LRRC8E: variants seen among roughly 807,000 people sequenced by gnomAD.
The protein encoded by LRRC8E is volume-regulated anion channel subunit LRRC8E.
LRRC8E carries 6 observed loss-of-function variants against 6.1 expected under a neutral mutation model. The observed-to-expected ratio is 0.98, with a 90% CI of 0.54 to 1.93. LRRC8E has a LOEUF of 1.93. Among genes scored for constraint, LRRC8E ranks in the 30% most tolerant of loss-of-function variants. The probability of loss-of-function intolerance (pLI) is 0.01; values close to 1 mark genes in which losing one functional copy is unlikely to be tolerated. For synonymous variants in LRRC8E, 485 were observed against 472.8 expected, an observed-to-expected ratio of 1.03 and a Z score of -0.33; for missense variants, 1,028 against 1,031.4, an observed-to-expected ratio of 1.00 and a Z score of 0.04.
chr19:7,895,255 A>G lies in LRRC8E; in HGVS notation c.-5-344A>G. 4.4e-6 allele frequency: 1 copy of G among 227,344 alleles called. No individual in the cohort carries two copies. Among genetic ancestry groups the G allele is most frequent in the Admixed American group, 4.8e-5 (1 of 20,790 alleles). 14.1% of individuals were successfully genotyped at this position (227,344 alleles called of 1,614,324 possible). A position where few individuals can be genotyped will look rare whatever the true frequency, so the allele number is the denominator to read the frequency against. Reference sequence around the variant, plus strand: ...CAGGCCTTGGTGTCAGGGGTGGGAGAGGGATGCCTCGTTTTGGGGAGGGGG... The same window carrying G: ...CAGGCCTTGGTGTCAGGGGTGGGAGGGGGATGCCTCGTTTTGGGGAGGGGG... On this transcript the variant is annotated intron_variant, in intron 1 of 2. Coordinates refer to ENST00000306708, the MANE Select transcript of LRRC8E (RefSeq NM_025061.6). The surrounding 1 kb of genome is among the most constrained non-coding windows in gnomAD (Gnocchi z 4.7).
intron 1 of LRRC8E, among the ~76,000 whole-genome samples, chr19:7,889,913 C>G (rs1981217129): frequency 6.6e-6 from 1 of 152,006 alleles, no homozygotes. Context: ...CCATACCCAG[C>G]TAATCTTTGT....
At position 7,901,549 on chromosome 19, in the gene LRRC8E, G is replaced by A. The variant is rs957172684; in HGVS notation, c.*636G>A. The A allele has an allele frequency of 1.3e-5, 2 of 152,192 alleles. No homozygotes were observed. Among genetic ancestry groups the A allele is most frequent in the African/African-American group, 4.8e-5 (2 of 41,416 alleles). 9.4% of individuals were successfully genotyped at this position (152,192 alleles called of 1,614,324 possible). On this transcript the variant is annotated 3_prime_UTR_variant, in exon 3 of 3. Coordinates refer to ENST00000306708, the MANE Select transcript of LRRC8E (RefSeq NM_025061.6). ...TTCCAGGTAGTTCTGGTGCAGGTAAGTGGCCCTGAGACAGTATGTTGGGAA... is the reference window on the plus strand; with the variant it reads ...TTCCAGGTAGTTCTGGTGCAGGTAAATGGCCCTGAGACAGTATGTTGGGAA...
Position 7,899,532 on chromosome 19 carries a change from G to A in LRRC8E, c.1010G>A (p.Arg337Gln), listed in dbSNP as rs749907236. 191 of 1,613,750 alleles carry A rather than the reference G, an allele frequency of 1.2e-4. No homozygotes were observed. The highest frequency in any genetic ancestry group is 1.4e-4 in the Non-Finnish European group (165 of 1,180,044). Residue 337 changes from arginine to glutamine, a missense_variant, in exon 3 of 3, where the codon CGG becomes CAG. Physicochemically the swap from Arg to Gln is conservative, Grantham distance 43 (BLOSUM62 1). Transcript: ENST00000306708. ...TACACGCTCTACTGGCTCTTCCACCGGCCCCTCAAGGAGTACTCCTTCCGT... is the reference window on the plus strand; with the variant it reads ...TACACGCTCTACTGGCTCTTCCACCAGCCCCTCAAGGAGTACTCCTTCCGT... The part of the protein sequence containing the change: ...CIYTLYWLFH[R>Q]PLKEYSFRSV...
chr19:7,890,804 T>G (rs1270099756), intron 1 of LRRC8E, among the ~76,000 whole-genome samples: 1 of 151,794 alleles, frequency 6.6e-6, no homozygotes, highest in Non-Finnish European at 1.5e-5. Flanking sequence ...AAAAAGAGAT[T>G]CTCCTGCTTC....
Position 7,898,788 on chromosome 19 carries a change from G to A in LRRC8E, c.266G>A (p.Gly89Asp). 6.2e-7 allele frequency: 1 copy of A among 1,614,172 alleles called. No individual in the cohort carries two copies. Among genetic ancestry groups the A allele is most frequent in the Non-Finnish European group, 8.5e-7 (1 of 1,180,036 alleles). The change falls in exon 3 of 3, where the codon GGC becomes GAC. Residue 89 changes from glycine to aspartate, a missense_variant. By Grantham distance (94) the Gly-to-Asp change is moderately conservative. Coordinates refer to ENST00000306708, the MANE Select transcript of LRRC8E (RefSeq NM_025061.6). ...EQIGALQEVK[G>D]LKNNLDLQQY... The stretch of plus-strand genomic sequence containing the variant: ...ATTGGGGCCCTGCAGGAGGTTAAAG[G>A]CCTTAAGAACAATTTGGACCTGCAG...
chr19:7,896,121 G>A (rs1402974871), intron 2 of LRRC8E, among the ~76,000 whole-genome samples: 2 of 151,654 alleles, frequency 1.3e-5, no homozygotes, highest in African/African-American at 4.8e-5. Context: ...TAGTTTTTTA[G>A]TAGAGATGGG....
rs1981997297 is a variant in LRRC8E, at chr19:7,901,216, C to T, written c.*303C>T. ...GCTGGCCTTGCTCCCATCCCTAGAACTGCTGCCTCTCCCTGGATATTCCAG... is the reference window on the plus strand; with the variant it reads ...GCTGGCCTTGCTCCCATCCCTAGAATTGCTGCCTCTCCCTGGATATTCCAG... On this transcript the variant is annotated 3_prime_UTR_variant, in exon 3 of 3. Coordinates refer to ENST00000306708, the MANE Select transcript of LRRC8E (RefSeq NM_025061.6). The T allele has an allele frequency of 3.8e-6, 1 of 264,428 alleles. No individual in the cohort carries two copies. Among genetic ancestry groups the T allele is most frequent in the South Asian group, 1.2e-4 (1 of 8,482 alleles). The allele number at this position is 264,428 out of a possible 1,614,324, so 16.4% of individuals were successfully genotyped here. A position where few individuals can be genotyped will look rare whatever the true frequency, so the allele number is the denominator to read the frequency against.
intron 1 of LRRC8E, among the ~76,000 whole-genome samples, chr19:7,889,825 C>T (rs981914317): frequency 3.3e-5 from 5 of 151,050 alleles, no homozygotes; most frequent in Non-Finnish European, 5.9e-5. Context: ...TCTTGGCTCA[C>T]GGCAACCTCC....
rs781540132 is a variant in LRRC8E at position 7,899,618 on chromosome 19, A to G, written c.1096A>G (p.Met366Val). ...TGACGTCAAGAATGACTTCGCCTTCATGCTGCACCTCATCGATCAGTACGA... is the reference window on the plus strand; with the variant it reads ...TGACGTCAAGAATGACTTCGCCTTCGTGCTGCACCTCATCGATCAGTACGA... ...IPDVKNDFAF[M>V]LHLIDQYDSL... Residue 366 changes from methionine (M) to valine (V), a missense_variant, in exon 3 of 3, where the codon ATG (methionine) becomes GTG (valine). By Grantham distance (21) the Met-to-Val change is conservative. Coordinates refer to ENST00000306708, the MANE Select transcript of LRRC8E (RefSeq NM_025061.6). The G allele has an allele frequency of 1.2e-6, 2 of 1,613,656 alleles. No homozygotes were observed. Among genetic ancestry groups the G allele is most frequent in the Non-Finnish European group, 1.7e-6 (2 of 1,180,044 alleles).
In LRRC8E at chr19:7,899,812, C is replaced by G; in HGVS notation, c.1290C>G (p.Pro430=). 1 of 1,607,462 alleles carries G rather than the reference C, an allele frequency of 6.2e-7. No homozygotes were observed. The highest frequency in any genetic ancestry group is 8.5e-7 in the Non-Finnish European group (1 of 1,179,948). Residue 430 remains proline, a synonymous_variant, in exon 3 of 3, where the codon CCC becomes CCG. Transcript: ENST00000306708. ...CCCTCTGCATGCTGCCGGGTCTGCC[C>G]GACACCGTCTTTGAGCTCAGTGAGG... ...ELALCMLPGL[P]DTVFELSEVE...
At chr19:7,898,618 C>T in intron 2 of LRRC8E, 43 bp from the exon 3 acceptor site, 1 of 1,536,294 alleles carries the variant, frequency 6.5e-7, no homozygotes, top group Non-Finnish European at 8.8e-7. Context: ...CTTGGCCTCC[C>T]AAAGTGCTAG....
Position 7,899,380 on chromosome 19 carries a change from T to C in LRRC8E, c.858T>C (p.Cys286=), listed in dbSNP as rs754696022. 6.2e-7 allele frequency: 1 copy of C among 1,614,158 alleles called. No homozygotes were observed. The highest frequency in any genetic ancestry group is 1.1e-5 in the South Asian group (1 of 91,082). ...YVEKISFLVA[C]RVETSEVTGY... ...AGAAGATCAGTTTCCTGGTGGCCTG[T>C]AGGGTGGAGACGTCAGAGGTCACGG... Residue 286 remains cysteine, a synonymous_variant, in exon 3 of 3, where the codon TGT becomes TGC. Coordinates refer to ENST00000306708, the MANE Select transcript of LRRC8E (RefSeq NM_025061.6).
chr19:7,900,493 G>A lies in LRRC8E; in HGVS notation c.1971G>A (p.Gln657=), dbSNP rs1477864068. The A allele has an allele frequency of 6.2e-7, 1 of 1,613,020 alleles. No individual in the cohort carries two copies. Residue 657 remains glutamine, a synonymous_variant, in exon 3 of 3, where the codon CAG becomes CAA. Coordinates refer to ENST00000306708, the MANE Select transcript of LRRC8E (RefSeq NM_025061.6). The surrounding 1 kb of genome is among the most constrained non-coding windows in gnomAD (Gnocchi z 5.0). The part of the protein sequence containing the change: ...EHVRKLRSLE[Q]LYLSYNKLET... ...TGCGGAAGCTCAGGAGCCTGGAGCA[G>A]CTCTACCTCAGCTACAACAAGCTGG...
In LRRC8E at chr19:7,898,894, TCA is replaced by T; in HGVS notation, c.378_379del (p.Leu127HisfsTer20). On this transcript the variant is annotated frameshift_variant, in exon 3 of 3. Coordinates refer to ENST00000306708, the MANE Select transcript of LRRC8E (RefSeq NM_025061.6). LOFTEE classifies it low-confidence loss of function (END_TRUNC). ...AGTACTTCCCTTACCTCGTGGTCAT[TCA>T]CACACTCATCTTCATGGTCTGCACC... ...AKYFPYLVVIHTLIFMVCTSF... is the reference protein window; with the variant it reads ...AKYFPYLVVIXTLIFMVCTSF... 6.2e-7 allele frequency: 1 copy of T among 1,614,208 alleles called. No individual in the cohort carries two copies. The highest frequency in any genetic ancestry group is 8.5e-7 in the Non-Finnish European group (1 of 1,180,054).
In LRRC8E at chr19:7,895,950, TTTTTTGAGACGGA is replaced by T. The variant is rs1408264693; in HGVS notation, c.138+210_138+222del. 6.6e-6 allele frequency among the ~76,000 whole-genome samples: 1 copy of T among 152,142 alleles called. No individual in the cohort carries two copies. The highest frequency in any genetic ancestry group is 6.5e-5 in the Admixed American group (1 of 15,276). On this transcript the variant is annotated intron_variant, in intron 2 of 2. Transcript: ENST00000306708. The surrounding 1 kb of genome is among the most constrained non-coding windows in gnomAD (Gnocchi z 4.7). Reference sequence around the variant, plus strand: ...CTATGCCATTCCATATCTTTTTTTCTTTTTTGAGACGGAGTCTCACTCTGTCACCCAGGCTAGA... The same window carrying T: ...CTATGCCATTCCATATCTTTTTTTCTGTCTCACTCTGTCACCCAGGCTAGA...
At position 7,900,354 on chromosome 19, in the gene LRRC8E, A is replaced by C. The variant is rs751875703; in HGVS notation, c.1832A>C (p.Asp611Ala). 2.5e-5 allele frequency: 40 copies of C among 1,612,818 alleles called. No individual in the cohort carries two copies. The South Asian group carries it at 4.4e-4, about 18-fold the overall frequency. Residue 611 changes from aspartate to alanine, a missense_variant, in exon 3 of 3, where the codon GAC becomes GCC. By Grantham distance (126) the Asp-to-Ala change is moderately radical. Transcript: ENST00000306708. The surrounding 1 kb of genome is among the most constrained non-coding windows in gnomAD (Gnocchi z 5.0). ...VFSLGALQEL[D>A]LKDNHLRSIE... ...AGCCTGGGTGCGCTGCAGGAACTTG[A>C]CCTCAAGGACAACCACCTGCGCTCC...
chr19:7,897,048 A>G (rs1981632271), intron 2 of LRRC8E, among the ~76,000 whole-genome samples: 1 of 152,328 alleles, frequency 6.6e-6, no homozygotes. Flanking sequence ...TCTGGAGGCC[A>G]GAAGTCTGAG....
intron 1 of LRRC8E, among the ~76,000 whole-genome samples, chr19:7,892,710 G>T (rs548893486): frequency 6.6e-6 from 1 of 152,166 alleles, no homozygotes; most frequent in Non-Finnish European, 1.5e-5. Flanking sequence ...ATTTTGGTGG[G>T]TGCAATGTAC....
chr19:7,898,515 A>G (rs933388122), intron 2 of LRRC8E, 146 bp from the exon 3 acceptor site: 3 of 697,300 alleles, frequency 4.3e-6, no homozygotes, highest in Admixed American at 4.9e-5. Context: ...GCCCACCACC[A>G]TGCCCGGCTA....
Sources: allele counts gnomAD v4.1 joint callset (sites outside exome capture counted in the v4.1 genomes callset), GRCh38; gene constraint gnomAD v4.1.1; non-coding constraint Gnocchi (gnomAD v3.1); transcripts MANE v1.5; gene names NCBI Gene and HGNC (gene_info 2026-07-23, HGNC 2026-07-21).